Variants in CTNNA3 observed in about 807,000 individuals in gnomAD.
CTNNA3 encodes catenin alpha 3, also known as catenin alpha-3.
CTNNA3 carries 76 observed loss-of-function variants against 95.7 expected under a neutral mutation model. That is an observed-to-expected ratio of 0.79 (90% CI 0.66 to 0.96). The LOEUF is 0.96. Ranked by LOEUF, CTNNA3 falls within the 40% of genes least tolerant of loss-of-function variation. The pLI is 0.00. For missense variants in CTNNA3, 1,191 were observed against 1,089.8 expected (o/e 1.09, Z -1.31); for synonymous variants, 431 against 374.4 (o/e 1.15, Z -1.74).
intron 1 of CTNNA3, among the ~76,000 whole-genome samples, chr10:67,670,024 T>G (rs868047948): frequency 2.5e-4 from 38 of 152,318 alleles, no homozygotes; most frequent in Middle Eastern, 3.4e-3. Flanking sequence ...ACTGAGTATT[T>G]TTTGGAAGAG....
chr10:66,478,085 T>C (rs1839388980), intron 11 of CTNNA3, among the ~76,000 whole-genome samples: 1 of 152,120 alleles, frequency 6.6e-6, no homozygotes, highest in Non-Finnish European at 1.5e-5. Context: ...AATAGATTCT[T>C]ACATAATGCA....
intron 7 of CTNNA3, among the ~76,000 whole-genome samples, chr10:66,782,440 C>G (rs930162862): frequency 2.6e-5 from 4 of 152,092 alleles, no homozygotes; most frequent in African/African-American, 7.2e-5. Context: ...ATCTGAGACT[C>G]AGCTCAATTG....
At chr10:65,988,264 C>T (rs2078468856) in intron 16 of CTNNA3, among the ~76,000 whole-genome samples, 1 of 151,828 alleles carries the variant, frequency 6.6e-6, no homozygotes, top group African/African-American at 2.4e-5. Context: ...ACAGTGTATA[C>T]ATGTATAGAA....
At chr10:66,928,382 A>G in intron 7 of CTNNA3, 1 of 1,614,176 alleles carries the variant, frequency 6.2e-7, no homozygotes, top group Non-Finnish European at 8.5e-7. Context: ...ACCAACACGG[A>G]GACCAGCGAG....
At chr10:66,322,361 G>A (rs1434321836) in intron 12 of CTNNA3, among the ~76,000 whole-genome samples, 2 of 151,992 alleles carry the variant, frequency 1.3e-5, no homozygotes, top group African/African-American at 4.8e-5. Context: ...TCCTACAGTC[G>A]CCCAGGATTT....
intron 13 of CTNNA3, among the ~76,000 whole-genome samples, chr10:66,110,669 T>C (rs1252161259): frequency 2.0e-5 from 3 of 152,226 alleles, no homozygotes; most frequent in African/African-American, 7.2e-5. Context: ...TATCTAAAGA[T>C]ATCCAGTGCT....
chr10:66,661,502 AT>A (rs1045835915), intron 9 of CTNNA3, among the ~76,000 whole-genome samples: 4 of 152,100 alleles, frequency 2.6e-5, no homozygotes, highest in Admixed American at 2.6e-4. Context: ...ATCAAATGTC[AT>A]TTTCTTTTTA....
At chr10:66,745,542 T>C (rs1027702311) in intron 9 of CTNNA3, among the ~76,000 whole-genome samples, 1 of 151,968 alleles carries the variant, frequency 6.6e-6, no homozygotes, top group Non-Finnish European at 1.5e-5. Context: ...ATGGCTACTA[T>C]ATGTCCCATA....
chr10:67,139,747 A>G (rs556929501), intron 7 of CTNNA3, among the ~76,000 whole-genome samples: 1 of 152,272 alleles, frequency 6.6e-6, no homozygotes, highest in Non-Finnish European at 1.5e-5. Context: ...CCAAATATAA[A>G]TCCATAGTTT....
intron 15 of CTNNA3, among the ~76,000 whole-genome samples, chr10:66,002,786 C>G (rs1038868578): frequency 1.2e-4 from 18 of 152,184 alleles, no homozygotes; most frequent in African/African-American, 4.1e-4. Context: ...ACACACTTCA[C>G]TCCCACCCAT....
chr10:66,669,644 GT>G (rs1368311783), intron 9 of CTNNA3, among the ~76,000 whole-genome samples: 1 of 152,096 alleles, frequency 6.6e-6, no homozygotes, highest in East Asian at 1.9e-4. Context: ...CTCTTTTCTG[GT>G]AGCTGTTTTC....
intron 13 of CTNNA3, among the ~76,000 whole-genome samples, chr10:66,128,131 A>G (rs537820867): frequency 6.6e-6 from 1 of 152,348 alleles, no homozygotes; most frequent in African/African-American, 2.4e-5. Flanking sequence ...TTCTTAATTC[A>G]GGAACTAACA....
chr10:66,003,213 C>T (rs2078804384), intron 15 of CTNNA3, among the ~76,000 whole-genome samples: 2 of 152,050 alleles, frequency 1.3e-5, no homozygotes, highest in Non-Finnish European at 2.9e-5. Flanking sequence ...TTCAATGTTG[C>T]ATTTGCTTAT....
chr10:66,753,897 T>C (rs933159110), intron 9 of CTNNA3, among the ~76,000 whole-genome samples: 10 of 151,956 alleles, frequency 6.6e-5, no homozygotes, highest in African/African-American at 2.4e-4. Flanking sequence ...TCTAAATAAG[T>C]AGAAAGACAA....
chr10:67,622,881 T>A (rs543724259), intron 2 of CTNNA3, among the ~76,000 whole-genome samples: 5 of 152,328 alleles, frequency 3.3e-5, no homozygotes, highest in African/African-American at 1.2e-4. Flanking sequence ...TATTTCTTCA[T>A]CCTACCATAA....
intron 1 of CTNNA3, among the ~76,000 whole-genome samples, chr10:67,754,280 G>A (rs1218832158): frequency 6.6e-6 from 1 of 152,052 alleles, no homozygotes; most frequent in Non-Finnish European, 1.5e-5. Flanking sequence ...CACAGGGAGG[G>A]AAACAACACA....
At chr10:67,132,977 T>C (rs188912400) in intron 7 of CTNNA3, among the ~76,000 whole-genome samples, 25 of 151,858 alleles carry the variant, frequency 1.6e-4, no homozygotes, top group African/African-American at 3.1e-4. Flanking sequence ...TACAGTTAGA[T>C]AGAAAAAATA....
At chr10:66,668,253 G>A (rs1846527095) in intron 9 of CTNNA3, among the ~76,000 whole-genome samples, 1 of 151,230 alleles carries the variant, frequency 6.6e-6, no homozygotes, top group Admixed American at 6.6e-5. Flanking sequence ...AAACTATATA[G>A]GGGAATATAA....
In CTNNA3 at chr10:67,620,899, G is replaced by GTA. The variant is rs1232546311; in HGVS notation, c.100-13852_100-13851dup. ...TGTACATATATATGTGTATATATAT[G>GTA]TATATGTGTGTGTGTGTGTGTGTGT... is the stretch of plus-strand genomic sequence containing the variant. On this transcript the variant is annotated intron_variant, in intron 2 of 17. Transcript: ENST00000433211. Among the ~76,000 whole-genome samples, 73 of 114,148 alleles carry GTA rather than the reference G, an allele frequency of 6.4e-4. 1 individual carries two copies. Among genetic ancestry groups the GTA allele is most frequent in the African/African-American group, 2.5e-3 (69 of 27,608 alleles). 74.9% of individuals were successfully genotyped at this position (114,148 alleles called of 152,430 possible).
Sources: allele counts gnomAD v4.1 joint callset (sites outside exome capture counted in the v4.1 genomes callset), GRCh38; gene constraint gnomAD v4.1.1; transcripts MANE v1.5; gene names NCBI Gene and HGNC (gene_info 2026-07-23, HGNC 2026-07-21).